The following DHX32 variants were observed in gnomAD, a reference collection of about 807,000 sequenced individuals.
DHX32 encodes the protein putative pre-mRNA-splicing factor ATP-dependent RNA helicase DHX32.
A neutral mutation model predicts 70.0 loss-of-function variants in DHX32; 51 were observed. The observed-to-expected ratio is 0.73, with a 90% CI of 0.58 to 0.92. The LOEUF (loss-of-function observed/expected upper bound fraction) is 0.92. Ranked by LOEUF, DHX32 falls within the 40% of genes least tolerant of loss-of-function variation. The probability of loss-of-function intolerance (pLI) is 0.00; values close to 1 mark genes in which losing one functional copy is unlikely to be tolerated. For synonymous variants in DHX32, 310 were observed against 315.3 expected, an observed-to-expected ratio of 0.98 and a Z score of 0.18; for missense variants, 762 against 891.8, an observed-to-expected ratio of 0.85 and a Z score of 1.85.
intron 1 of DHX32, among the ~76,000 whole-genome samples, chr10:125,887,119 G>T (rs1944344708): frequency 6.6e-6 from 1 of 152,162 alleles, no homozygotes; most frequent in African/African-American, 2.4e-5. Context: ...ACATCTGATT[G>T]TATTTTACCA....
intron 1 of DHX32, among the ~76,000 whole-genome samples, chr10:125,877,518 C>T (rs547584320): frequency 4.1e-4 from 63 of 152,126 alleles, no homozygotes; most frequent in African/African-American, 1.4e-3. Flanking sequence ...GAAACCCTGA[C>T]TCTACTAAAA....
At chr10:125,891,830 C>G (rs1173206701) in intron 1 of DHX32, among the ~76,000 whole-genome samples, 1 of 152,212 alleles carries the variant, frequency 6.6e-6, no homozygotes, top group African/African-American at 2.4e-5. Flanking sequence ...TCTTTAGTCT[C>G]CACGGGTTCT....
intron 1 of DHX32, among the ~76,000 whole-genome samples, chr10:125,870,422 T>A (rs1944248886): frequency 6.6e-6 from 1 of 152,160 alleles, no homozygotes; most frequent in African/African-American, 2.4e-5. Context: ...CCAGAACCAA[T>A]CCATATCTTC....
At chr10:125,881,372 G>C (rs1427155449), upstream of DHX32, 1 of 152,592 alleles carries the variant, frequency 6.6e-6, no homozygotes, top group East Asian at 1.9e-4. Flanking sequence ...CAACAGGAGG[G>C]ACAGGATTGT....
At chr10:125,855,956 C>T (rs1260456201) in intron 3 of DHX32, among the ~76,000 whole-genome samples, 1 of 151,906 alleles carries the variant, frequency 6.6e-6, no homozygotes, top group African/African-American at 2.4e-5. Flanking sequence ...TTCCAAATGG[C>T]AATAAAAAAG....
Position 125,859,605 on chromosome 10 carries a change from G to A in DHX32, c.847C>T (p.Gln283Ter), listed in dbSNP as rs1002509849. The change falls in exon 3 of 11, where the codon CAA becomes TAA. Residue 283 changes from glutamine (Q) to a stop codon, truncating the protein, a stop_gained and splice_region_variant. Coordinates refer to ENST00000284690, the MANE Select transcript of DHX32 (RefSeq NM_018180.3). LOFTEE classifies it high-confidence loss of function. ...AGGTTAGAGTATCACTTACTTACTT[G>A]TTCACAGGCCAGAAAGACTACAATG... Reference protein sequence around the residue: ...GDIVVFLACEQDIEKVCETVY... With the variant: ...GDIVVFLACE 1.3e-6 allele frequency: 2 copies of A among 1,570,220 alleles called. No individual in the cohort carries two copies. Among genetic ancestry groups the A allele is most frequent in the Non-Finnish European group, 8.6e-7 (1 of 1,161,292 alleles).
At position 125,881,130 on chromosome 10, in the gene DHX32, G is replaced by C. The variant is rs1021260410; in HGVS notation, c.-306C>G. On this transcript the variant is annotated 5_prime_UTR_variant, in exon 1 of 11. Transcript: ENST00000284690. ...ATTAGGAACACATATAAGTTAAAAAGAAAATGCACAGGAGTTCAAATGAAA... is the reference window on the plus strand; with the variant it reads ...ATTAGGAACACATATAAGTTAAAAACAAAATGCACAGGAGTTCAAATGAAA... 7.5e-6 allele frequency: 2 copies of C among 266,154 alleles called. No homozygotes were observed. The highest frequency in any genetic ancestry group is 4.4e-5 in the African/African-American group (2 of 45,354). 16.5% of individuals were successfully genotyped at this position (266,154 alleles called of 1,614,324 possible).
upstream of DHX32, among the ~76,000 whole-genome samples, chr10:125,882,399 C>A (rs1038128000): frequency 3.3e-5 from 5 of 152,094 alleles, no homozygotes; most frequent in South Asian, 4.1e-4. Context: ...ATAAGAAAAG[C>A]TCTCTCTCTA....
intron 1 of DHX32, chr10:125,869,265 A>G (rs1944241631): frequency 1.3e-5 from 2 of 152,094 alleles, no homozygotes; most frequent in African/African-American, 4.8e-5. Context: ...GCTATATTAA[A>G]ACTACTTGTT....
rs971532562 is a variant in DHX32, at chr10:125,845,536, A to AGGG, written c.1352-3605_1352-3603dup. On this transcript the variant is annotated intron_variant, in intron 6 of 10. Transcript: ENST00000284690. ...ACATGTATTTTCACGAGGATAGGGC[A>AGGG]GGGGGTCTCCTGGTAACCAGTCCCC... 7.0e-4 allele frequency among the ~76,000 whole-genome samples: 106 copies of AGGG among 152,346 alleles called. 1 individual carries two copies. Among genetic ancestry groups the AGGG allele is most frequent in the African/African-American group, 2.5e-3 (105 of 41,582 alleles).
chr10:125,855,378 A>C (rs111875329), intron 3 of DHX32, among the ~76,000 whole-genome samples: 2,894 of 152,088 alleles, frequency 0.019, 89 homozygotes, highest in African/African-American at 0.065. Flanking sequence ...CTTAACAGCT[A>C]ACCTGGATTT....
intron 6 of DHX32, among the ~76,000 whole-genome samples, chr10:125,845,124 C>CCAAG (rs1453052999): frequency 1.3e-5 from 2 of 152,194 alleles, no homozygotes; most frequent in African/African-American, 2.4e-5. Flanking sequence ...TGAGCACAGG[C>CCAAG]CAAGTGGAGT....
intron 1 of DHX32, among the ~76,000 whole-genome samples, chr10:125,873,595 C>T (rs1166990778): frequency 6.6e-6 from 1 of 152,208 alleles, no homozygotes; most frequent in Non-Finnish European, 1.5e-5. Flanking sequence ...GAATTCAACA[C>T]ATTCAGTGTT....
intron 3 of DHX32, among the ~76,000 whole-genome samples, chr10:125,856,783 C>CAA (rs146951679): frequency 6.3e-5 from 9 of 143,614 alleles, no homozygotes; most frequent in African/African-American, 2.0e-4. Context: ...CCGTCTCTAC[C>CAA]AAAAAAAAAA....
rs145253008 is a variant in DHX32, at chr10:125,867,130, G to A, written c.336C>T (p.Gly112=). The change falls in exon 2 of 11, where the codon GGC becomes GGT. Residue 112 remains glycine (G), a synonymous_variant. Transcript: ENST00000284690. ...YCLSIHYQHG[G]VICTQVHKQT... is the part of the protein sequence containing the mutation. ...GCTTGTGGACCTGTGTGCATATCAC[G>A]CCCCCGTGCTGGTAGTGGATGGAAA... 3.9e-5 allele frequency: 63 copies of A among 1,614,138 alleles called. No homozygotes were observed. The African/African-American group carries it at 5.7e-4, about 15-fold the overall frequency.
chr10:125,839,251 G>T, intron 8 of DHX32, 63 bp from the exon 9 acceptor site: 2 of 1,540,762 alleles, frequency 1.3e-6, no homozygotes, highest in Non-Finnish European at 1.8e-6. Flanking sequence ...AAGAGCCCAG[G>T]CCAGGCAGTT....
chr10:125,849,274 T>C (rs1223371659), intron 6 of DHX32, among the ~76,000 whole-genome samples: 3 of 152,290 alleles, frequency 2.0e-5, no homozygotes, highest in South Asian at 2.1e-4. Flanking sequence ...CAAAAACATA[T>C]CAACTTAAAT....
chr10:125,864,000 A>C (rs1331902174), intron 2 of DHX32, among the ~76,000 whole-genome samples: 1 of 152,218 alleles, frequency 6.6e-6, no homozygotes, highest in Non-Finnish European at 1.5e-5. Context: ...TTAAAGGTCA[A>C]AGAGGTTAGG....
At chr10:125,856,507 C>T (rs918061382) in intron 3 of DHX32, among the ~76,000 whole-genome samples, 4 of 152,166 alleles carry the variant, frequency 2.6e-5, no homozygotes, top group Admixed American at 6.5e-5. Context: ...CACAGGGCAG[C>T]CTGTGAATCA....
Sources: allele counts gnomAD v4.1 joint callset (sites outside exome capture counted in the v4.1 genomes callset), GRCh38; gene constraint gnomAD v4.1.1; transcripts MANE v1.5; gene names NCBI Gene and HGNC (gene_info 2026-07-23, HGNC 2026-07-21).